AEBP1: variants seen among roughly 807,000 people sequenced by gnomAD.
The protein encoded by AEBP1 is AE binding protein 1.
AEBP1 carries 69 observed loss-of-function variants against 116.5 expected under a neutral mutation model. The observed-to-expected ratio is 0.59, with a 90% CI of 0.49 to 0.72. AEBP1 has a LOEUF of 0.72. Ranked by LOEUF, AEBP1 falls within the 30% of genes least tolerant of loss-of-function variation. AEBP1 has a pLI of 0.00. For synonymous variants in AEBP1, 627 were observed against 627.3 expected, an observed-to-expected ratio of 1.00 and a Z score of 0.01; for missense variants, 1,444 against 1,557.5, an observed-to-expected ratio of 0.93 and a Z score of 1.23.
In AEBP1 at chr7:44,112,197, T is replaced by C; in HGVS notation, c.2093T>C (p.Ile698Thr). ...CTGTGGACTGAGGAGGGCTTTGACA[T>C]CTTTGAAGATTTCCCGGATCTCAAC... ...LGLWTEEGFD[I>T]FEDFPDLNSV... The change falls in exon 17 of 21, where the codon ATC becomes ACC. Residue 698 changes from isoleucine (I) to threonine (T), a missense_variant. Physicochemically the swap from Ile to Thr is moderately conservative, Grantham distance 89. Coordinates refer to ENST00000223357, the MANE Select transcript of AEBP1 (RefSeq NM_001129.5). The surrounding 1 kb of genome is among the most constrained non-coding windows in gnomAD (Gnocchi z 6.6). 1 of 1,608,378 alleles carries C rather than the reference T, an allele frequency of 6.2e-7. No individual in the cohort carries two copies. Among genetic ancestry groups the C allele is most frequent in the South Asian group, 1.1e-5 (1 of 90,906 alleles).
chr7:44,108,746 A>T lies in AEBP1; in HGVS notation c.941-153A>T, dbSNP rs560551447. Reference sequence around the variant, plus strand: ...TGCCCCTGAGCTCGGGCTGCTCCTGACTCCTGCAAGACCCTCTCCCAACTC... The same window carrying T: ...TGCCCCTGAGCTCGGGCTGCTCCTGTCTCCTGCAAGACCCTCTCCCAACTC... On this transcript the variant is annotated intron_variant, in intron 6 of 20. Coordinates refer to ENST00000223357, the MANE Select transcript of AEBP1 (RefSeq NM_001129.5). The surrounding 1 kb of genome is among the most constrained non-coding windows in gnomAD (Gnocchi z 5.0). Among the ~76,000 whole-genome samples, 1 of 150,484 alleles carries T rather than the reference A, an allele frequency of 6.6e-6. No individual in the cohort carries two copies. The highest frequency in any genetic ancestry group is 2.0e-4 in the East Asian group (1 of 5,078).
Position 44,113,755 on chromosome 7 carries a change from C to T in AEBP1, c.2971C>T (p.Arg991Trp), listed in dbSNP as rs948663263. Reference protein sequence around the residue: ...ILARSNWKRIREIMAMNGNRP... With the variant: ...ILARSNWKRIWEIMAMNGNRP... ...GGCTCGCTCCAACTGGAAGCGCATCCGGGAGATCATGGCCATGAACGGGAA... is the reference window on the plus strand; with the variant it reads ...GGCTCGCTCCAACTGGAAGCGCATCTGGGAGATCATGGCCATGAACGGGAA... The change falls in exon 21 of 21, where the codon CGG becomes TGG. Residue 991 changes from arginine to tryptophan, a missense_variant. Coordinates refer to ENST00000223357, the MANE Select transcript of AEBP1 (RefSeq NM_001129.5). The surrounding 1 kb of genome is among the most constrained non-coding windows in gnomAD (Gnocchi z 5.3). 6.2e-7 allele frequency: 1 copy of T among 1,614,096 alleles called. No homozygotes were observed.
chr7:44,110,681 T>C (rs1460467178), intron 11 of AEBP1, 44 bp from the exon 12 acceptor site: 1 of 1,487,456 alleles, frequency 6.7e-7, no homozygotes, highest in Non-Finnish European at 9.0e-7. Context: ...CCTGAGGGCC[T>C]GGGAGGGGGA....
Position 44,108,149 on chromosome 7 carries a change from T to C in AEBP1, c.940+65T>C. 5.4e-6 allele frequency: 8 copies of C among 1,490,390 alleles called. No individual in the cohort carries two copies. Among genetic ancestry groups the C allele is most frequent in the Non-Finnish European group, 6.4e-6 (7 of 1,096,632 alleles). The allele number at this position is 1,490,390 out of a possible 1,614,324, so 92.3% of individuals were successfully genotyped here. ...GGTGGGGGTCGGGGCTGGGGTGTGG[T>C]CAGGAGCCAGCTGGGGCAACTCACC... On this transcript the variant is annotated intron_variant, in intron 6 of 20. Coordinates refer to ENST00000223357, the MANE Select transcript of AEBP1 (RefSeq NM_001129.5). The surrounding 1 kb of genome is among the most constrained non-coding windows in gnomAD (Gnocchi z 5.0).
rs2096225926 is a variant in AEBP1 at position 44,108,975 on chromosome 7, G to C, written c.1017G>C (p.Leu339=). ...AGACAGACGAAGAGAAGGAGGAGCT[G>C]AGTGAGTGGGACCAAGGACTTCCCA... The part of the protein sequence containing the change: ...ERQTDEEKEE[L]KKPKKEDSSP... The change falls in exon 7 of 21, where the codon CTG becomes CTC. Residue 339 remains leucine (L), a splice_region_variant and synonymous_variant. Coordinates refer to ENST00000223357, the MANE Select transcript of AEBP1 (RefSeq NM_001129.5). This position sits in a 1 kb window ranked among gnomAD's most constrained non-coding sequence, Gnocchi z 5.0. 1 of 1,580,420 alleles carries C rather than the reference G, an allele frequency of 6.3e-7. No homozygotes were observed. Among genetic ancestry groups the C allele is most frequent in the African/African-American group, 1.3e-5 (1 of 74,502 alleles).
In AEBP1 at chr7:44,110,020, C is replaced by G; in HGVS notation, c.1156C>G (p.Pro386Ala). 6.2e-7 allele frequency: 1 copy of G among 1,611,956 alleles called. No homozygotes were observed. Among genetic ancestry groups the G allele is most frequent in the Non-Finnish European group, 8.5e-7 (1 of 1,179,248 alleles). The change falls in exon 10 of 21, where the codon CCC (proline) becomes GCC (alanine). Residue 386 changes from proline (P) to alanine (A), a missense_variant. Pro to Ala is a conservative substitution (Grantham distance 27). Coordinates refer to ENST00000223357, the MANE Select transcript of AEBP1 (RefSeq NM_001129.5). ...TCTGGGGTACGCGTCCTCAGAGTGTCCCCCCATTGGGATGGAGTCACACCG... is the reference window on the plus strand; with the variant it reads ...TCTGGGGTACGCGTCCTCAGAGTGTGCCCCCATTGGGATGGAGTCACACCG... Reference protein sequence around the residue: ...EWTPTEKVKCPPIGMESHRIE... With the variant: ...EWTPTEKVKCAPIGMESHRIE...
chr7:44,113,896 C>T lies in AEBP1; in HGVS notation c.3112C>T (p.Leu1038Phe). The T allele has an allele frequency of 6.2e-7, 1 of 1,613,350 alleles. No individual in the cohort carries two copies. Among genetic ancestry groups the T allele is most frequent in the South Asian group, 1.1e-5 (1 of 91,066 alleles). The stretch of plus-strand genomic sequence containing the variant: ...TCGGGCACAGATGCGGCTGCGGCGC[C>T]TCAACGCCACCACCACCCTAGGCCC... ...RLRAQMRLRR[L>F]NATTTLGPHT... Residue 1038 changes from leucine to phenylalanine, a missense_variant, in exon 21 of 21, where the codon CTC (leucine) becomes TTC (phenylalanine). Physicochemically the swap from Leu to Phe is conservative, Grantham distance 22. Coordinates refer to ENST00000223357, the MANE Select transcript of AEBP1 (RefSeq NM_001129.5). The surrounding 1 kb of genome is among the most constrained non-coding windows in gnomAD (Gnocchi z 5.3).
chr7:44,106,431 C>A, intron 1 of AEBP1, 115 bp from the exon 2 acceptor site: 2 of 1,150,960 alleles, frequency 1.7e-6, no homozygotes, highest in Non-Finnish European at 1.2e-6. Flanking sequence ...GTTTGCTGAT[C>A]CGCACTGGGA....
Position 44,112,319 on chromosome 7 carries a change from A to G in AEBP1, c.2215A>G (p.Thr739Ala). The G allele has an allele frequency of 6.5e-7, 1 of 1,545,266 alleles. No individual in the cohort carries two copies. Among genetic ancestry groups the G allele is most frequent in the Non-Finnish European group, 8.7e-7 (1 of 1,143,238 alleles). Residue 739 changes from threonine (T) to alanine (A), a missense_variant and splice_region_variant, in exon 17 of 21, where the codon ACG becomes GCG. By Grantham distance (58) the Thr-to-Ala change is moderately conservative (BLOSUM62 0). Coordinates refer to ENST00000223357, the MANE Select transcript of AEBP1 (RefSeq NM_001129.5). The surrounding 1 kb of genome is among the most constrained non-coding windows in gnomAD (Gnocchi z 6.6). ...IPERYLSPDA[T>A]VSTEVRAIIA... ...TGAACGCTACCTTTCGCCAGATGCC[A>G]CGGTGAGGCTACAGCCTGGCTGAAA... is the stretch of plus-strand genomic sequence containing the variant.
At position 44,104,720 on chromosome 7, in the gene AEBP1, C is replaced by T. The variant is rs1248437089; in HGVS notation, c.55C>T (p.Leu19=). ...CAGCTGCCTCCTGGCGTTGCTGGCCCTGTGCCCTGGAGGGCGCCCGCAGAC... is the reference window on the plus strand; with the variant it reads ...CAGCTGCCTCCTGGCGTTGCTGGCCTTGTGCCCTGGAGGGCGCCCGCAGAC... ...LLSCLLALLA[L]CPGGRPQTVL... The change falls in exon 1 of 21, where the codon CTG becomes TTG. Residue 19 remains leucine (L), a synonymous_variant. Coordinates refer to ENST00000223357, the MANE Select transcript of AEBP1 (RefSeq NM_001129.5). The T allele has an allele frequency of 2.6e-5, 42 of 1,610,124 alleles. No individual in the cohort carries two copies. The highest frequency in any genetic ancestry group is 3.4e-5 in the Non-Finnish European group (40 of 1,179,094).
chr7:44,112,330 A>G lies in AEBP1; in HGVS notation c.2217+9A>G, dbSNP rs2096230423. The stretch of plus-strand genomic sequence containing the variant: ...TTTCGCCAGATGCCACGGTGAGGCT[A>G]CAGCCTGGCTGAAAGGGCAGGAGGG... On this transcript the variant is annotated intron_variant, in intron 17 of 20. Transcript: ENST00000223357. The surrounding 1 kb of genome is among the most constrained non-coding windows in gnomAD (Gnocchi z 6.6). The G allele has an allele frequency of 6.5e-7, 1 of 1,535,646 alleles. No homozygotes were observed. Among genetic ancestry groups the G allele is most frequent in the Non-Finnish European group, 8.8e-7 (1 of 1,139,484 alleles).
In AEBP1 at chr7:44,110,296, G is replaced by T. The variant is rs375790313; in HGVS notation, c.1350G>T (p.Arg450Ser). ...RTQWIEVDTR[R>S]TTRFTGVITQ... The stretch of plus-strand genomic sequence containing the variant: ...AGTGGATAGAGGTGGACACCAGGAG[G>T]ACTACCCGGTTCACAGGCGTCATCA... Residue 450 changes from arginine (R) to serine (S), a missense_variant, in exon 11 of 21, where the codon AGG becomes AGT. By Grantham distance (110) the Arg-to-Ser change is moderately radical. Transcript: ENST00000223357. The T allele has an allele frequency of 6.2e-7, 1 of 1,613,656 alleles. No individual in the cohort carries two copies. Among genetic ancestry groups the T allele is most frequent in the South Asian group, 1.1e-5 (1 of 91,074 alleles).
chr7:44,108,046 A>T lies in AEBP1; in HGVS notation c.902A>T (p.Asp301Val). Reference sequence around the variant, plus strand: ...CCTCTGCTGCCCCCGCTGCCCCCTGACTATGGTGATGGTTACGTGATCCCC... The same window carrying T: ...CCTCTGCTGCCCCCGCTGCCCCCTGTCTATGGTGATGGTTACGTGATCCCC... The part of the protein sequence containing the change: ...VKPLLPPLPP[D>V]YGDGYVIPNY... The change falls in exon 6 of 21, where the codon GAC (aspartate) becomes GTC (valine). Residue 301 changes from aspartate to valine, a missense_variant. Asp to Val is a radical substitution (Grantham distance 152). Transcript: ENST00000223357. This position sits in a 1 kb window ranked among gnomAD's most constrained non-coding sequence, Gnocchi z 5.0. 2.5e-6 allele frequency: 4 copies of T among 1,600,640 alleles called. No individual in the cohort carries two copies. The highest frequency in any genetic ancestry group is 3.4e-6 in the Non-Finnish European group (4 of 1,175,028).
chr7:44,107,368 G>A lies in AEBP1; in HGVS notation c.596-71G>A. 4.0e-6 allele frequency: 6 copies of A among 1,494,260 alleles called. No individual in the cohort carries two copies. In the South Asian group the frequency reaches 6.8e-5, roughly 17 times the overall value. 92.6% of individuals were successfully genotyped at this position (1,494,260 alleles called of 1,614,324 possible). ...TCTGTGTGGGCTCTATGGGTGGCTG[G>A]TGGCCTGAGGCTCCCAAGGTGGTCA... On this transcript the variant is annotated intron_variant, in intron 2 of 20. Transcript: ENST00000223357. The surrounding 1 kb of genome is among the most constrained non-coding windows in gnomAD (Gnocchi z 4.3).
At position 44,107,294 on chromosome 7, in the gene AEBP1, G is replaced by C; in HGVS notation, c.596-145G>C. On this transcript the variant is annotated intron_variant, in intron 2 of 20. Transcript: ENST00000223357. The surrounding 1 kb of genome is among the most constrained non-coding windows in gnomAD (Gnocchi z 4.3). ...CAGCAGGATGCTGAAGGCCAGAGGA[G>C]CTCAGGCCTCCTTGGAGTGAGCTCG... 1.3e-6 allele frequency: 1 copy of C among 764,434 alleles called. No homozygotes were observed. The highest frequency in any genetic ancestry group is 2.2e-6 in the Non-Finnish European group (1 of 462,156). 47.4% of individuals were successfully genotyped at this position (764,434 alleles called of 1,614,324 possible).
intron 9 of AEBP1, 155 bp from the exon 10 acceptor site, chr7:44,109,860 C>CTGG: frequency 1.5e-6 from 1 of 663,016 alleles, no homozygotes; most frequent in Non-Finnish European, 2.6e-6. Context: ...TCCAGGTGGG[C>CTGG]TGGTGCAGGG....
In AEBP1 at chr7:44,112,632, C is replaced by T. The variant is rs370216167; in HGVS notation, c.2292C>T (p.Gly764=). 11 of 1,611,046 alleles carry T rather than the reference C, an allele frequency of 6.8e-6. No individual in the cohort carries two copies. In the East Asian group the frequency reaches 1.3e-4, roughly 20 times the overall value. The change falls in exon 18 of 21, where the codon GGC becomes GGT. Residue 764 remains glycine (G), a synonymous_variant. Coordinates refer to ENST00000223357, the MANE Select transcript of AEBP1 (RefSeq NM_001129.5). This position sits in a 1 kb window ranked among gnomAD's most constrained non-coding sequence, Gnocchi z 6.6. ...TCGTGCTGGGAGCAAATCTGAACGG[C>T]GGCGAGCGGCTAGTATCCTACCCCT... ...NPFVLGANLN[G]GERLVSYPYD...
chr7:44,112,058 G>A lies in AEBP1; in HGVS notation c.2037+8G>A. 6.2e-7 allele frequency: 1 copy of A among 1,610,986 alleles called. No homozygotes were observed. The highest frequency in any genetic ancestry group is 8.5e-7 in the Non-Finnish European group (1 of 1,177,696). ...GAGGTGGCAGCGCAGATGGTGGGTT[G>A]AAGGGTGAGGCTGGCCAGGGTCCAG... On this transcript the variant is annotated splice_region_variant and intron_variant, in intron 16 of 20. Coordinates refer to ENST00000223357, the MANE Select transcript of AEBP1 (RefSeq NM_001129.5). This position sits in a 1 kb window ranked among gnomAD's most constrained non-coding sequence, Gnocchi z 6.6.
At position 44,113,730 on chromosome 7, in the gene AEBP1, G is replaced by A. The variant is rs1320530906; in HGVS notation, c.2946G>A (p.Leu982=). The change falls in exon 21 of 21, where the codon CTG becomes CTA. Residue 982 remains leucine (L), a synonymous_variant. Coordinates refer to ENST00000223357, the MANE Select transcript of AEBP1 (RefSeq NM_001129.5). The surrounding 1 kb of genome is among the most constrained non-coding windows in gnomAD (Gnocchi z 5.3). ...GGGCCACTCAGTGCAACTTCATCCTGGCTCGCTCCAACTGGAAGCGCATCC... is the reference window on the plus strand; with the variant it reads ...GGGCCACTCAGTGCAACTTCATCCTAGCTCGCTCCAACTGGAAGCGCATCC... ...DIGATQCNFI[L]ARSNWKRIRE... is the part of the protein sequence containing the mutation. 1 of 1,613,954 alleles carries A rather than the reference G, an allele frequency of 6.2e-7. No homozygotes were observed. The highest frequency in any genetic ancestry group is 8.5e-7 in the Non-Finnish European group (1 of 1,179,990).
Sources: gnomAD v4.1 joint callset for allele counts (sites outside exome capture counted in the v4.1 genomes callset) on GRCh38, gnomAD v4.1.1 for gene constraint, Gnocchi (gnomAD v3.1) non-coding constraint, MANE v1.5 for transcripts, NCBI Gene and HGNC (gene_info 2026-07-23, HGNC 2026-07-21) for gene names.